Variants in SNRK observed in about 807,000 individuals in gnomAD.
SNRK encodes the protein SNF related kinase.
SNRK carries 3 observed loss-of-function variants against 48.2 expected under a neutral mutation model. The observed-to-expected ratio is 0.06, with a 90% CI of 0.03 to 0.16. The LOEUF (loss-of-function observed/expected upper bound fraction) is 0.16, where lower values mean the gene tolerates loss of function less well. Among genes scored for constraint, SNRK ranks in the 10% least tolerant of loss-of-function variants. The probability of loss-of-function intolerance (pLI) is 1.00; values close to 1 mark genes in which losing one functional copy is unlikely to be tolerated. For synonymous variants in SNRK, 376 were observed against 366.1 expected (o/e 1.03, Z -0.31); for missense variants, 627 against 976.0 (o/e 0.64, Z 4.76).
intron 3 of SNRK, chr3:43,314,922 C>T (rs557709303): frequency 6.6e-6 from 1 of 152,130 alleles, no homozygotes; most frequent in East Asian, 1.9e-4. Context: ...CAAATTTTCT[C>T]TTTGGTTTAT....
At chr3:43,287,875 T>G (rs1270347363) in intron 1 of SNRK, among the ~76,000 whole-genome samples, 1 of 152,202 alleles carries the variant, frequency 6.6e-6, no homozygotes, top group African/African-American at 2.4e-5. Flanking sequence ...CTTTCCAGAT[T>G]TATAAAATAA....
chr3:43,341,523 A>G (rs1204206807), intron 5 of SNRK, among the ~76,000 whole-genome samples: 2 of 152,222 alleles, frequency 1.3e-5, no homozygotes, highest in African/African-American at 4.8e-5. Context: ...CTTTTTTCTG[A>G]TAATGATTAA....
At chr3:43,337,705 A>G (rs1355968931) in intron 4 of SNRK, among the ~76,000 whole-genome samples, 1 of 152,162 alleles carries the variant, frequency 6.6e-6, no homozygotes, top group African/African-American at 2.4e-5. Context: ...AAACACAGTC[A>G]TGGCAGAAAG....
At chr3:43,343,263 G>A (rs2091250899) in intron 5 of SNRK, 81 bp from the exon 6 acceptor site, 1 of 1,478,426 alleles carries the variant, frequency 6.8e-7, no homozygotes, top group South Asian at 1.5e-5. Context: ...TAACTTGCTT[G>A]TACTTTTAAA....
chr3:43,346,356 T>A (rs2091275686), intron 6 of SNRK, among the ~76,000 whole-genome samples: 1 of 152,206 alleles, frequency 6.6e-6, no homozygotes, highest in Non-Finnish European at 1.5e-5. Context: ...GCTTTATTAT[T>A]ATAACTATAT....
chr3:43,340,237 T>G (rs1191014209), intron 4 of SNRK, 50 bp from the exon 5 acceptor site: 7 of 1,394,650 alleles, frequency 5.0e-6, no homozygotes, highest in Non-Finnish European at 7.1e-6. Context: ...CCATCATTAC[T>G]GATCCTTGCA....
intron 5 of SNRK, 93 bp downstream of exon 5, chr3:43,340,592 A>G: frequency 9.0e-7 from 1 of 1,110,964 alleles, no homozygotes. Context: ...CACCTGTGTA[A>G]TAGATAAGAG....
intron 3 of SNRK, among the ~76,000 whole-genome samples, chr3:43,306,943 A>C (rs1425476359): frequency 1.3e-5 from 2 of 151,988 alleles, no homozygotes; most frequent in Non-Finnish European, 2.9e-5. Flanking sequence ...CTATTTTTAG[A>C]TTTTCTTTGT....
intron 3 of SNRK, among the ~76,000 whole-genome samples, chr3:43,316,598 T>G (rs974729369): frequency 6.6e-6 from 1 of 152,188 alleles, no homozygotes; most frequent in Non-Finnish European, 1.5e-5. Flanking sequence ...GAATATTTCT[T>G]TTTTGATGTT....
intron 2 of SNRK, 122 bp downstream of exon 2, chr3:43,299,937 T>C (rs1056726780): frequency 2.0e-5 from 3 of 152,478 alleles, no homozygotes; most frequent in African/African-American, 7.2e-5. Flanking sequence ...AAAAAAATGA[T>C]TTAGTTACTT....
At chr3:43,341,906 A>G (rs1181156357) in intron 5 of SNRK, among the ~76,000 whole-genome samples, 4 of 152,214 alleles carry the variant, frequency 2.6e-5, no homozygotes, top group Non-Finnish European at 1.5e-5. Flanking sequence ...TTTAAGCACA[A>G]TTTTCTATAA....
At position 43,303,641 on chromosome 3, in the gene SNRK, C is replaced by T. The variant is rs752413026; in HGVS notation, c.438C>T (p.Val146=). The change falls in exon 3 of 7, where the codon GTC becomes GTT. Residue 146 remains valine (V), a synonymous_variant. Transcript: ENST00000296088. This position sits in a 1 kb window ranked among gnomAD's most constrained non-coding sequence, Gnocchi z 6.2. ...GAGACTTAAAACCAGAGAATGTAGT[C>T]TTCTTTGAAAAACAAGGTCTTGTAA... ...VHRDLKPENV[V]FFEKQGLVKL... is the part of the protein sequence containing the mutation. 1 of 1,614,136 alleles carries T rather than the reference C, an allele frequency of 6.2e-7. No individual in the cohort carries two copies. Among genetic ancestry groups the T allele is most frequent in the Non-Finnish European group, 8.5e-7 (1 of 1,180,008 alleles).
chr3:43,295,665 C>T (rs570239700), intron 1 of SNRK, among the ~76,000 whole-genome samples: 2 of 152,252 alleles, frequency 1.3e-5, no homozygotes, highest in African/African-American at 4.8e-5. Flanking sequence ...GTTTATGGTT[C>T]TTATCTTTGG....
intron 3 of SNRK, among the ~76,000 whole-genome samples, chr3:43,316,091 GTACCATA>G (rs1210363622): frequency 6.6e-6 from 1 of 152,100 alleles, no homozygotes; most frequent in East Asian, 1.9e-4. Flanking sequence ...TATTCTATAG[GTACCATA>G]TAGGTGGGTT....
chr3:43,345,288 TCCC>T (rs2091267234), intron 6 of SNRK, among the ~76,000 whole-genome samples: 1 of 152,118 alleles, frequency 6.6e-6, no homozygotes, highest in Non-Finnish European at 1.5e-5. Flanking sequence ...ACCCTGGACC[TCCC>T]TTGGTTCCAT....
Position 43,340,389 on chromosome 3 carries a change from A to C in SNRK, c.834A>C (p.Thr278=), listed in dbSNP as rs986540121. Reference sequence around the variant, plus strand: ...AGGGAGTGGACCCTTCACCAGCTACAAAGTATAACATTCCCCTTGTGTCAT... The same window carrying C: ...AGGGAGTGGACCCTTCACCAGCTACCAAGTATAACATTCCCCTTGTGTCAT... The part of the protein sequence containing the change: ...WLQGVDPSPA[T]KYNIPLVSYK... Residue 278 remains threonine, a synonymous_variant, in exon 5 of 7, where the codon ACA becomes ACC. Coordinates refer to ENST00000296088, the MANE Select transcript of SNRK (RefSeq NM_017719.5). The C allele has an allele frequency of 6.2e-7, 1 of 1,614,070 alleles. No homozygotes were observed. The highest frequency in any genetic ancestry group is 1.7e-5 in the Admixed American group (1 of 60,010).
intron 1 of SNRK, among the ~76,000 whole-genome samples, chr3:43,296,592 T>C (rs1233471169): frequency 6.6e-6 from 1 of 152,048 alleles, no homozygotes; most frequent in Non-Finnish European, 1.5e-5. Flanking sequence ...TCCTCTACTT[T>C]CTCATGCCAT....
At chr3:43,333,467 A>G (rs192454676) in intron 4 of SNRK, 1 of 151,714 alleles carries the variant, frequency 6.6e-6, no homozygotes, top group East Asian at 1.9e-4. Context: ...AAACTACCAT[A>G]TAGGGTTATT....
intron 4 of SNRK, among the ~76,000 whole-genome samples, chr3:43,333,721 T>A (rs576485756): frequency 3.3e-5 from 5 of 152,284 alleles, no homozygotes; most frequent in African/African-American, 1.2e-4. Flanking sequence ...TTGATATATA[T>A]ATCATTCAAA....
Sources: gnomAD v4.1 joint callset for allele counts (sites outside exome capture counted in the v4.1 genomes callset) on GRCh38, gnomAD v4.1.1 for gene constraint, Gnocchi (gnomAD v3.1) non-coding constraint, MANE v1.5 for transcripts, NCBI Gene and HGNC (gene_info 2026-07-23, HGNC 2026-07-21) for gene names.